SLC4A4: variants seen among roughly 807,000 people sequenced by gnomAD.
SLC4A4 encodes the protein electrogenic sodium bicarbonate cotransporter 1.
SLC4A4 carries 27 observed loss-of-function variants against 111.5 expected under a neutral mutation model. The observed-to-expected ratio is 0.24, with a 90% CI of 0.18 to 0.33. The LOEUF is 0.33. Ranked by LOEUF, SLC4A4 falls within the 10% of genes least tolerant of loss-of-function variation. The pLI, the probability that SLC4A4 is intolerant of heterozygous loss-of-function variation, is 1.00. For synonymous variants in SLC4A4, 443 were observed against 463.4 expected (o/e 0.96, Z 0.57); for missense variants, 909 against 1,315.5 (o/e 0.69, Z 4.78).
chr4:71,556,311 A>G (rs544800408), intron 21 of SLC4A4, among the ~76,000 whole-genome samples: 3 of 152,104 alleles, frequency 2.0e-5, no homozygotes, highest in Admixed American at 2.0e-4. Context: ...ACTTTTGGGA[A>G]GCATAAATCT....
intron 14 of SLC4A4, among the ~76,000 whole-genome samples, chr4:71,485,249 A>G (rs941236663): frequency 6.6e-6 from 1 of 151,598 alleles, no homozygotes; most frequent in Non-Finnish European, 1.5e-5. Flanking sequence ...TGCCCATTCA[A>G]TATGATGTTG....
intron 6 of SLC4A4, among the ~76,000 whole-genome samples, chr4:71,385,979 A>G (rs1043446201): frequency 2.0e-5 from 3 of 151,944 alleles, no homozygotes; most frequent in Non-Finnish European, 4.4e-5. Context: ...GTAACTTTGT[A>G]TAAAAGGACA....
At chr4:71,336,595 C>T (rs148380869) in intron 3 of SLC4A4, among the ~76,000 whole-genome samples, 1 of 152,064 alleles carries the variant, frequency 6.6e-6, no homozygotes, top group Non-Finnish European at 1.5e-5. Flanking sequence ...TTTTTCAATG[C>T]CTAGACAAAC....
intron 16 of SLC4A4, among the ~76,000 whole-genome samples, chr4:71,505,381 T>G (rs1012365354): frequency 6.6e-6 from 1 of 152,068 alleles, no homozygotes; most frequent in Non-Finnish European, 1.5e-5. Flanking sequence ...CTTTTAATAA[T>G]AGCCATTCTG....
At chr4:71,364,360 T>C (rs1731056746) in intron 6 of SLC4A4, among the ~76,000 whole-genome samples, 1 of 152,206 alleles carries the variant, frequency 6.6e-6, no homozygotes, top group South Asian at 2.1e-4. Flanking sequence ...TGAGATACCT[T>C]TGTGAAAATT....
intron 1 of SLC4A4, among the ~76,000 whole-genome samples, chr4:71,213,984 A>G (rs776262660): frequency 2.6e-5 from 4 of 151,786 alleles, no homozygotes; most frequent in Non-Finnish European, 5.9e-5. Flanking sequence ...CTGACAAGAC[A>G]CTCCCTGTTC....
intron 2 of SLC4A4, among the ~76,000 whole-genome samples, chr4:71,105,485 C>G (rs1239606839): frequency 6.6e-6 from 1 of 151,730 alleles, no homozygotes; most frequent in Non-Finnish European, 1.5e-5. Context: ...GCCAAAAGAA[C>G]GAAGCTGGAG....
intron 12 of SLC4A4, among the ~76,000 whole-genome samples, chr4:71,465,418 A>G (rs1727215479): frequency 6.6e-6 from 1 of 151,558 alleles, no homozygotes; most frequent in Non-Finnish European, 1.5e-5. Flanking sequence ...TTCATAAAAT[A>G]TTATTTTATG....
chr4:71,484,643 T>G (rs1435314122), intron 14 of SLC4A4, among the ~76,000 whole-genome samples: 1 of 151,468 alleles, frequency 6.6e-6, no homozygotes, highest in Non-Finnish European at 1.5e-5. Flanking sequence ...TGGGCTCTTT[T>G]TTGTTTCATA....
rs557656038 is a variant in SLC4A4 at position 71,436,476 on chromosome 4, A to G, written c.808-4140A>G. On this transcript the variant is annotated intron_variant, in intron 7 of 25. Coordinates refer to ENST00000264485, the MANE Select transcript of SLC4A4 (RefSeq NM_001098484.3). Reference sequence around the variant, plus strand: ...TAATGTAGATGACAGGTTGATGGGTACAGCAAACCACCACAGCACGTGTAT... The same window carrying G: ...TAATGTAGATGACAGGTTGATGGGTGCAGCAAACCACCACAGCACGTGTAT... Among the ~76,000 whole-genome samples the G allele has an allele frequency of 4.6e-5, 7 of 152,260 alleles. No homozygotes were observed. The South Asian group carries it at 1.4e-3, about 32-fold the overall frequency.
intron 3 of SLC4A4, among the ~76,000 whole-genome samples, chr4:71,295,647 C>G (rs866759635): frequency 5.3e-5 from 8 of 150,942 alleles, no homozygotes; most frequent in African/African-American, 1.9e-4. Context: ...CTCCTCTCCT[C>G]TCCTCTTCTT....
chr4:71,169,007 T>TTTTA (rs933305594), intron 2 of SLC4A4, among the ~76,000 whole-genome samples: 41 of 151,982 alleles, frequency 2.7e-4, no homozygotes, highest in Admixed American at 1.8e-3. Flanking sequence ...GCAGCTCTAT[T>TTTTA]TTTATTTATT....
chr4:71,426,181 A>T lies in SLC4A4; in HGVS notation c.808-14435A>T, dbSNP rs531614499. On this transcript the variant is annotated intron_variant, in intron 7 of 25. Coordinates refer to ENST00000264485, the MANE Select transcript of SLC4A4 (RefSeq NM_001098484.3). ...TCTTAAAATCTCTGTTTCAATGTTA[A>T]TGCTGGTCACTTGTGTATGAATTCC... Among the ~76,000 whole-genome samples the T allele has an allele frequency of 1.5e-3, 231 of 152,096 alleles. 3 individuals carry two copies. Among genetic ancestry groups the T allele is most frequent in the Non-Finnish European group, 2.1e-3 (143 of 67,982 alleles).
At chr4:71,441,772 C>T (rs80204106) in intron 8 of SLC4A4, among the ~76,000 whole-genome samples, 3,047 of 152,286 alleles carry the variant, frequency 0.02, 108 homozygotes, top group African/African-American at 0.07. Flanking sequence ...TCTTCCTCAT[C>T]ATACAGGTAT....
intron 3 of SLC4A4, among the ~76,000 whole-genome samples, chr4:71,304,542 C>T (rs114396725): frequency 2.0e-5 from 3 of 152,304 alleles, no homozygotes; most frequent in South Asian, 2.1e-4. Context: ...ATGCTGATCT[C>T]GTTCAGAAGA....
intron 1 of SLC4A4, 146 bp from the exon 2 acceptor site, chr4:71,236,430 C>T: frequency 3.8e-6 from 3 of 781,870 alleles, no homozygotes; most frequent in Non-Finnish European, 6.2e-6. Flanking sequence ...CTGCGTGAAG[C>T]AGTAGCAGAC....
intron 16 of SLC4A4, among the ~76,000 whole-genome samples, chr4:71,522,295 T>A (rs1420079741): frequency 6.6e-6 from 1 of 152,218 alleles, no homozygotes; most frequent in East Asian, 1.9e-4. Flanking sequence ...AATCTGTGAT[T>A]TTCTGTGGCA....
intron 3 of SLC4A4, among the ~76,000 whole-genome samples, chr4:71,297,519 C>CACAG (rs1291759104): frequency 1.4e-5 from 2 of 147,848 alleles, no homozygotes; most frequent in Middle Eastern, 3.5e-3. Flanking sequence ...AACACACACA[C>CACAG]ACACACACAC....
intron 7 of SLC4A4, among the ~76,000 whole-genome samples, chr4:71,404,785 A>G (rs998662422): frequency 1.3e-5 from 2 of 151,904 alleles, no homozygotes; most frequent in Non-Finnish European, 2.9e-5. Context: ...GTAAATATAT[A>G]TAGGGAATCA....
Sources: allele counts gnomAD v4.1 joint callset (sites outside exome capture counted in the v4.1 genomes callset), GRCh38; gene constraint gnomAD v4.1.1; transcripts MANE v1.5; gene names NCBI Gene and HGNC (gene_info 2026-07-23, HGNC 2026-07-21).